Variants in TULP4 observed in about 807,000 individuals in gnomAD.
TULP4 encodes the protein tubby-related protein 4.
TULP4 carries 16 observed loss-of-function variants against 129.0 expected under a neutral mutation model. The ratio of observed to expected loss-of-function variants is 0.12; its 90% CI spans 0.08 to 0.19. The LOEUF (loss-of-function observed/expected upper bound fraction) is 0.19, where lower values mean the gene tolerates loss of function less well. Among genes scored for constraint, TULP4 ranks in the 10% least tolerant of loss-of-function variants. The pLI is 1.00. For missense variants in TULP4, 1,842 were observed against 2,059.1 expected, an observed-to-expected ratio of 0.89 and a Z score of 2.04; for synonymous variants, 998 against 854.0, an observed-to-expected ratio of 1.17 and a Z score of -2.94.
chr6:158,461,946 G>A (rs1413786082), intron 6 of TULP4, among the ~76,000 whole-genome samples: 2 of 152,182 alleles, frequency 1.3e-5, no homozygotes, highest in Non-Finnish European at 2.9e-5. Flanking sequence ...AGCAGAGTAA[G>A]CTGGTGTTTA....
chr6:158,433,079 C>T (rs750501166), intron 3 of TULP4, among the ~76,000 whole-genome samples: 2 of 152,116 alleles, frequency 1.3e-5, no homozygotes, highest in African/African-American at 4.8e-5. Context: ...GAACCAGGAT[C>T]CAGTTTAATT....
intron 1 of TULP4, among the ~76,000 whole-genome samples, chr6:158,396,922 G>A (rs1777730609): frequency 6.6e-6 from 1 of 152,192 alleles, no homozygotes; most frequent in Non-Finnish European, 1.5e-5. Flanking sequence ...GGAAGAGGCG[G>A]GCTGCGTGGT....
chr6:158,464,549 C>T (rs539502779), intron 6 of TULP4, among the ~76,000 whole-genome samples: 1 of 152,338 alleles, frequency 6.6e-6, no homozygotes, highest in South Asian at 2.1e-4. Flanking sequence ...GTGGCGCGAT[C>T]TCAGCTCACT....
chr6:158,292,997 A>G (rs571531161), intron 1 of TULP4, among the ~76,000 whole-genome samples: 5 of 152,126 alleles, frequency 3.3e-5, no homozygotes, highest in South Asian at 2.1e-4. Flanking sequence ...GTGAGCCCCA[A>G]TATGGTACCA....
At chr6:158,250,662 C>T (rs1306204715) in intron 1 of TULP4, among the ~76,000 whole-genome samples, 6 of 152,146 alleles carry the variant, frequency 3.9e-5, no homozygotes, top group Admixed American at 2.6e-4. Context: ...TTCTGTGTTT[C>T]GCAAATACCT....
In TULP4 at chr6:158,502,701, C is replaced by G; in HGVS notation, c.3038C>G (p.Ala1013Gly). 1 of 1,558,724 alleles carries G rather than the reference C, an allele frequency of 6.4e-7. No homozygotes were observed. The highest frequency in any genetic ancestry group is 8.6e-7 in the Non-Finnish European group (1 of 1,157,530). The change falls in exon 13 of 14, where the codon GCC becomes GGC. Residue 1013 changes from alanine to glycine, a missense_variant. By Grantham distance (60) the Ala-to-Gly change is moderately conservative. Coordinates refer to ENST00000367097, the MANE Select transcript of TULP4 (RefSeq NM_020245.5). ...CCGCGGGCCCCCCTGCAGCCCCTGG[C>G]CAAGTCCAAGGGCGGGCCCGGGGGG... is the stretch of plus-strand genomic sequence containing the variant. ...DSPRAPLQPL[A>G]KSKGGPGGVV...
intron 5 of TULP4, among the ~76,000 whole-genome samples, chr6:158,458,170 T>C (rs895876872): frequency 2.0e-5 from 3 of 152,234 alleles, no homozygotes; most frequent in African/African-American, 7.2e-5. Context: ...TCTTTTTCTG[T>C]TAAAATTTAG....
chr6:158,348,293 C>T (rs920573165), intron 1 of TULP4, among the ~76,000 whole-genome samples: 1 of 150,456 alleles, frequency 6.6e-6, no homozygotes, highest in Non-Finnish European at 1.5e-5. Context: ...GAACAAAAGT[C>T]TCTGGTTTTC....
chr6:158,336,134 T>C (rs2114733291), intron 1 of TULP4, among the ~76,000 whole-genome samples: 1 of 152,336 alleles, frequency 6.6e-6, no homozygotes, highest in South Asian at 2.1e-4. Context: ...GCCAATATGG[T>C]AGAAGAAAAT....
chr6:158,422,803 C>A (rs927661487), intron 2 of TULP4, among the ~76,000 whole-genome samples: 1 of 152,178 alleles, frequency 6.6e-6, no homozygotes, highest in Non-Finnish European at 1.5e-5. Flanking sequence ...AAAACGCTGG[C>A]CCTCCCACCC....
At chr6:158,386,958 G>A (rs540723253) in intron 1 of TULP4, among the ~76,000 whole-genome samples, 35 of 152,214 alleles carry the variant, frequency 2.3e-4, no homozygotes, top group Middle Eastern at 6.8e-3. Context: ...TTCTGTCAAA[G>A]CGATTGACAG....
chr6:158,348,921 C>T (rs1243026010), intron 1 of TULP4, among the ~76,000 whole-genome samples: 1 of 125,646 alleles, frequency 8.0e-6, no homozygotes, highest in African/African-American at 3.2e-5. Context: ...GGCGGCCGGG[C>T]AGAGGCACTC....
intron 6 of TULP4, among the ~76,000 whole-genome samples, chr6:158,472,980 G>A (rs1779725322): frequency 6.6e-6 from 1 of 152,164 alleles, no homozygotes; most frequent in Admixed American, 6.5e-5. Flanking sequence ...ACTGACTGAA[G>A]TTTGTAGGCT....
upstream of TULP4, among the ~76,000 whole-genome samples, chr6:158,279,685 C>T (rs930372580): frequency 2.6e-5 from 4 of 152,188 alleles, no homozygotes; most frequent in African/African-American, 9.7e-5. Context: ...AGCCATTTGA[C>T]GATAGCGTAA....
At chr6:158,249,089 CAAAAA>C (rs3884262) in intron 1 of TULP4, among the ~76,000 whole-genome samples, 5 of 106,558 alleles carry the variant, frequency 4.7e-5, no homozygotes, top group East Asian at 5.3e-4. Flanking sequence ...GACCCTGTCT[CAAAAA>C]AAAAAAAAAA....
rs757565441 is a variant in TULP4 at position 158,429,691 on chromosome 6, C to T, written c.382-45C>T. ...TGTCTAGACTTTGATAAAATGTTTT[C>T]CTTTTCAGATTACAAATTGACTCTT... is the stretch of plus-strand genomic sequence containing the variant. On this transcript the variant is annotated intron_variant, in intron 2 of 13. Coordinates refer to ENST00000367097, the MANE Select transcript of TULP4 (RefSeq NM_020245.5). 12 of 1,582,894 alleles carry T rather than the reference C, an allele frequency of 7.6e-6. 1 individual carries two copies. In the South Asian group the frequency reaches 1.4e-4, roughly 18 times the overall value.
chr6:158,452,125 T>C lies in TULP4; in HGVS notation c.725-9T>C. On this transcript the variant is annotated splice_polypyrimidine_tract_variant and intron_variant, in intron 4 of 13. Transcript: ENST00000367097. ...CCCTCCTTTTCACTTGGCACTTGTG[T>C]TCCTGCAGATGGTCCGGCAGCATAT... The C allele has an allele frequency of 3.1e-6, 5 of 1,613,242 alleles. No individual in the cohort carries two copies. The highest frequency in any genetic ancestry group is 3.4e-6 in the Non-Finnish European group (4 of 1,179,562).
At position 158,303,262 on chromosome 6, in the gene TULP4, A is replaced by G. The variant is rs960642540; in HGVS notation, n.117-8789A>G. The stretch of plus-strand genomic sequence containing the variant: ...AAACAGGAATTTCAATGTAGGTTCT[A>G]TTTTCCGTAAGTGTTGGCCGGCTGA... On this transcript the variant is annotated intron_variant and non_coding_transcript_variant, in intron 1 of 1. Transcript: ENST00000432358. Among the ~76,000 whole-genome samples the G allele has an allele frequency of 4.0e-5, 6 of 151,852 alleles. No homozygotes were observed. The East Asian group carries it at 7.7e-4, about 20-fold the overall frequency.
chr6:158,481,018 G>C, intron 7 of TULP4, 37 bp from the exon 8 acceptor site: 1 of 1,520,510 alleles, frequency 6.6e-7, no homozygotes, highest in Non-Finnish European at 8.8e-7. Context: ...TGCCTCTCTG[G>C]AGTCCCAGCT....
Sources: allele counts gnomAD v4.1 joint callset (sites outside exome capture counted in the v4.1 genomes callset), GRCh38; gene constraint gnomAD v4.1.1; transcripts MANE v1.5; gene names NCBI Gene and HGNC (gene_info 2026-07-23, HGNC 2026-07-21).